ARHGAP15: variants seen among roughly 807,000 people sequenced by gnomAD.
ARHGAP15 encodes the protein rho GTPase-activating protein 15.
Under a neutral mutation model 63.7 loss-of-function variants are expected in ARHGAP15, and 51 were observed. The ratio of observed to expected loss-of-function variants is 0.80; its 90% CI spans 0.64 to 1.01. The LOEUF (loss-of-function observed/expected upper bound fraction) is 1.01, where lower values mean the gene tolerates loss of function less well. Among genes scored for constraint, ARHGAP15 ranks in the 50% least tolerant of loss-of-function variants. The pLI is 0.00. For missense variants in ARHGAP15, 560 were observed against 564.6 expected (o/e 0.99, Z 0.08); for synonymous variants, 191 against 193.8 (o/e 0.99, Z 0.12).
chr2:143,625,156 A>C (rs1227153905), intron 12 of ARHGAP15, among the ~76,000 whole-genome samples: 1 of 152,150 alleles, frequency 6.6e-6, no homozygotes, highest in Non-Finnish European at 1.5e-5. Flanking sequence ...TAAAATTAAA[A>C]ACCTTGCAAG....
chr2:143,565,809 A>C (rs529851712), intron 11 of ARHGAP15, among the ~76,000 whole-genome samples: 37 of 152,318 alleles, frequency 2.4e-4, no homozygotes, highest in Admixed American at 9.1e-4. Context: ...AAAATGTTGG[A>C]AATACTTAGG....
chr2:143,750,960 T>A (rs141582030), intron 13 of ARHGAP15, among the ~76,000 whole-genome samples: 153 of 152,302 alleles, frequency 1.0e-3, no homozygotes, highest in Middle Eastern at 6.8e-3. Context: ...CACAAGGCTG[T>A]TCAGATCTAG....
intron 11 of ARHGAP15, among the ~76,000 whole-genome samples, chr2:143,558,617 A>G (rs1695902686): frequency 6.6e-6 from 1 of 152,170 alleles, no homozygotes. Context: ...ATCTCTAAAA[A>G]GGTAGGACTT....
chr2:143,194,697 T>A (rs62171696), intron 2 of ARHGAP15, among the ~76,000 whole-genome samples: 25,713 of 108,974 alleles, frequency 0.24, 2,371 homozygotes, highest in African/African-American at 0.37. Flanking sequence ...GACCCCTCTC[T>A]GTCTGAGAAA....
intron 1 of ARHGAP15, among the ~76,000 whole-genome samples, chr2:143,136,407 G>A (rs1689144481): frequency 6.6e-6 from 1 of 151,780 alleles, no homozygotes; most frequent in Non-Finnish European, 1.5e-5. Flanking sequence ...ACACTTGGAT[G>A]AACATCAAAC....
intron 8 of ARHGAP15, among the ~76,000 whole-genome samples, chr2:143,475,408 C>T (rs1463758025): frequency 6.6e-6 from 1 of 152,238 alleles, no homozygotes; most frequent in Non-Finnish European, 1.5e-5. Flanking sequence ...TTCGCACGCA[C>T]ATTTTGGAGC....
chr2:143,388,641 T>A (rs1200984423), intron 6 of ARHGAP15, among the ~76,000 whole-genome samples: 1 of 152,200 alleles, frequency 6.6e-6, no homozygotes, highest in African/African-American at 2.4e-5. Context: ...TATGTGTTTA[T>A]ACATACACAA....
intron 6 of ARHGAP15, among the ~76,000 whole-genome samples, chr2:143,359,772 T>C (rs1047264351): frequency 2.0e-5 from 3 of 152,212 alleles, no homozygotes; most frequent in African/African-American, 7.2e-5. Flanking sequence ...TTTTAACTTT[T>C]ATTTTAATTT....
In ARHGAP15 at chr2:143,558,280, T is replaced by C. The variant is rs954569452; in HGVS notation, c.1003+1795T>C. ...TCCCTTTACTTTCAATATCCTCCTATCTTTTCCTTCCCATCCCACATACAC... is the reference window on the plus strand; with the variant it reads ...TCCCTTTACTTTCAATATCCTCCTACCTTTTCCTTCCCATCCCACATACAC... On this transcript the variant is annotated intron_variant, in intron 11 of 13. Transcript: ENST00000295095. 2.0e-5 allele frequency among the ~76,000 whole-genome samples: 3 copies of C among 152,102 alleles called. No homozygotes were observed. In the East Asian group the frequency reaches 5.8e-4, roughly 29 times the overall value.
At chr2:143,597,541 C>G (rs1447195773) in intron 11 of ARHGAP15, among the ~76,000 whole-genome samples, 3 of 152,036 alleles carry the variant, frequency 2.0e-5, no homozygotes, top group Non-Finnish European at 4.4e-5. Context: ...TAGTAATTCC[C>G]TCCTATTGTT....
intron 13 of ARHGAP15, among the ~76,000 whole-genome samples, chr2:143,737,369 A>G (rs560936626): frequency 1.2e-4 from 19 of 152,264 alleles, no homozygotes; most frequent in Non-Finnish European, 2.1e-4. Flanking sequence ...CTTTATTACT[A>G]GAATTGTAAA....
At chr2:143,315,880 T>C (rs939309029) in intron 6 of ARHGAP15, among the ~76,000 whole-genome samples, 1 of 139,308 alleles carries the variant, frequency 7.2e-6, no homozygotes, top group Non-Finnish European at 1.5e-5. Context: ...AAGTCAGGAG[T>C]TCAAGATCAG....
At chr2:143,142,373 A>C (rs1689404272) in intron 1 of ARHGAP15, among the ~76,000 whole-genome samples, 1 of 152,070 alleles carries the variant, frequency 6.6e-6, no homozygotes, top group Non-Finnish European at 1.5e-5. Flanking sequence ...AAAAGCATCC[A>C]TTTATGTATA....
At chr2:143,129,917 G>T (rs1020855559) in intron 1 of ARHGAP15, among the ~76,000 whole-genome samples, 5 of 152,066 alleles carry the variant, frequency 3.3e-5, no homozygotes, top group African/African-American at 1.2e-4. Context: ...TTAAAGCATT[G>T]TATTAATGTT....
At chr2:143,649,954 C>T (rs1383147734) in intron 12 of ARHGAP15, among the ~76,000 whole-genome samples, 1 of 151,864 alleles carries the variant, frequency 6.6e-6, no homozygotes, top group African/African-American at 2.4e-5. Flanking sequence ...GAAGAATAAC[C>T]ATTTCACTAA....
In ARHGAP15 at chr2:143,453,541, G is replaced by T. The variant is rs148878072; in HGVS notation, c.703+16499G>T. ...CTTTTCTTCCATAGTATTTGGAAAA[G>T]TTCTCCTAATTTGGTTAAGAAAATG... On this transcript the variant is annotated intron_variant, in intron 8 of 13. Coordinates refer to ENST00000295095, the MANE Select transcript of ARHGAP15 (RefSeq NM_018460.4). Among the ~76,000 whole-genome samples the T allele has an allele frequency of 3.4e-3, 522 of 152,034 alleles. 5 individuals are homozygous for T. Among genetic ancestry groups the T allele is most frequent in the African/African-American group, 0.012 (481 of 41,504 alleles).
chr2:143,173,340 C>A (rs1439015420), intron 2 of ARHGAP15, among the ~76,000 whole-genome samples: 1 of 151,844 alleles, frequency 6.6e-6, no homozygotes. Context: ...AAAAACTAAG[C>A]AATTTTAGAG....
In ARHGAP15 at chr2:143,157,041, C is replaced by T. The variant is rs79827606; in HGVS notation, c.165+1386C>T. ...CTGTGTTTAACAAAAGGCACTATGC[C>T]GCAGTTGTTTTTGACAAGCATGAAA... On this transcript the variant is annotated intron_variant, in intron 2 of 13. Transcript: ENST00000295095. Among the ~76,000 whole-genome samples, 1,433 of 151,960 alleles carry T rather than the reference C, an allele frequency of 9.4e-3. 24 individuals carry two copies. The highest frequency in any genetic ancestry group is 0.033 in the African/African-American group (1,352 of 41,506).
At chr2:143,411,705 CAG>C (rs1259846149) in intron 6 of ARHGAP15, among the ~76,000 whole-genome samples, 11 of 151,908 alleles carry the variant, frequency 7.2e-5, no homozygotes, top group East Asian at 3.9e-4. Context: ...GTAACTAAAA[CAG>C]AAAAAATATC....
Sources: gnomAD v4.1 joint callset for allele counts (sites outside exome capture counted in the v4.1 genomes callset) on GRCh38, gnomAD v4.1.1 for gene constraint, MANE v1.5 for transcripts, NCBI Gene and HGNC (gene_info 2026-07-23, HGNC 2026-07-21) for gene names.